Variants in UNC79 observed in about 807,000 individuals in gnomAD.
UNC79 encodes the protein unc-79 subunit of NALCN channel complex, also known as protein unc-79 homolog.
UNC79 carries 37 observed loss-of-function variants against 283.1 expected under a neutral mutation model. The observed-to-expected ratio is 0.13, with a 90% CI of 0.10 to 0.17. UNC79 has a LOEUF of 0.17. Ranked by LOEUF, UNC79 falls within the 10% of genes least tolerant of loss-of-function variation. UNC79 has a pLI of 1.00. For synonymous variants in UNC79, 1,107 were observed against 1,200.2 expected, an observed-to-expected ratio of 0.92 and a Z score of 1.61; for missense variants, 2,272 against 3,211.1, an observed-to-expected ratio of 0.71 and a Z score of 7.07.
intron 47 of UNC79, among the ~76,000 whole-genome samples, chr14:93,697,217 C>A (rs983236061): frequency 6.6e-6 from 1 of 152,114 alleles, no homozygotes; most frequent in African/African-American, 2.4e-5. Context: ...CTTACTGCAA[C>A]CTCCATCTCC....
At position 93,474,298 on chromosome 14, in the gene UNC79, A is replaced by G. The variant is rs2140324558; in HGVS notation, c.353A>G (p.Gln118Arg). The stretch of plus-strand genomic sequence containing the variant: ...CGCGGCCCGCAAAGTCGTGATGCTC[A>G]GTTGTCAGACTACCCTTCTTTGGAC... The change falls in exon 3 of 49, where the codon CAG becomes CGG. Residue 118 changes from glutamine to arginine, a missense_variant. Coordinates refer to ENST00000555664, the Ensembl canonical transcript of UNC79. This position sits in a 1 kb window ranked among gnomAD's most constrained non-coding sequence, Gnocchi z 4.1. 6.5e-7 allele frequency: 1 copy of G among 1,536,044 alleles called. No homozygotes were observed. Among genetic ancestry groups the G allele is most frequent in the East Asian group, 2.4e-5 (1 of 40,918 alleles).
At chr14:93,698,003 T>C (rs879521395) in intron 47 of UNC79, among the ~76,000 whole-genome samples, 14 of 152,248 alleles carry the variant, frequency 9.2e-5, no homozygotes, top group Admixed American at 9.2e-4. Flanking sequence ...ATTGATTATT[T>C]AGAACTATAT....
In UNC79 at chr14:93,696,109, C is replaced by T. The variant is rs75768564; in HGVS notation, c.7548+1697C>T. On this transcript the variant is annotated intron_variant, in intron 47 of 48. Transcript: ENST00000555664. ...TCTTTCACTTGTAATAATTATATTG[C>T]GATTAATCCATGTTATTGCATGTAG... Among the ~76,000 whole-genome samples, 876 of 152,004 alleles carry T rather than the reference C, an allele frequency of 5.8e-3. 15 individuals are homozygous for T. The highest frequency in any genetic ancestry group is 0.02 in the African/African-American group (830 of 41,458).
intron 1 of UNC79, among the ~76,000 whole-genome samples, chr14:93,368,481 CT>C (rs201603284): frequency 6.6e-6 from 1 of 151,200 alleles, no homozygotes; most frequent in Non-Finnish European, 1.5e-5. Flanking sequence ...ATGCCATTTT[CT>C]TTTTTTTTGA....
At chr14:93,613,604 T>C (rs773633559) in intron 27 of UNC79, among the ~76,000 whole-genome samples, 7 of 151,882 alleles carry the variant, frequency 4.6e-5, no homozygotes, top group African/African-American at 7.3e-5. Context: ...TTAGTAGAGA[T>C]GGGGTTTCAT....
intron 38 of UNC79, among the ~76,000 whole-genome samples, chr14:93,658,854 TCATCCATCCATCCATC>T (rs543094478): frequency 1.3e-5 from 2 of 151,946 alleles, no homozygotes; most frequent in Non-Finnish European, 2.9e-5. Context: ...GTCCATCTAT[TCATCCATCCATCCATC>T]CATCCATCCA....
chr14:93,479,172 T>TTTCCTTCCTTCCTTCCTTCC lies in UNC79; in HGVS notation c.619+1483_619+1502dup, dbSNP rs140666949. 4.2e-4 allele frequency among the ~76,000 whole-genome samples: 51 copies of TTTCCTTCCTTCCTTCCTTCC among 120,640 alleles called. 1 individual carries two copies. Among genetic ancestry groups the TTTCCTTCCTTCCTTCCTTCC allele is most frequent in the Admixed American group, 9.4e-4 (11 of 11,738 alleles). 79.1% of individuals were successfully genotyped at this position (120,640 alleles called of 152,430 possible). ...TTTTGAAGCATAACAGATGAGGCTGTTTCCTTCCTTCCTTCCTTCCTTCCT... is the reference window on the plus strand; with the variant it reads ...TTTTGAAGCATAACAGATGAGGCTGTTTCCTTCCTTCCTTCCTTCCTTCCTTCCTTCCTTCCTTCCTTCCT... On this transcript the variant is annotated intron_variant, in intron 4 of 48. Transcript: ENST00000555664.
chr14:93,441,752 G>T (rs1664355336), intron 1 of UNC79, among the ~76,000 whole-genome samples: 1 of 151,982 alleles, frequency 6.6e-6, no homozygotes, highest in Admixed American at 6.6e-5. Context: ...CATGCCTCCT[G>T]ATTTTTGATA....
chr14:93,553,597 G>A (rs2062006960), intron 14 of UNC79, among the ~76,000 whole-genome samples: 1 of 152,072 alleles, frequency 6.6e-6, no homozygotes, highest in African/African-American at 2.4e-5. Context: ...CAATCAACAG[G>A]GAAATCTGGT....
At chr14:93,598,818 C>T (rs1194458975) in intron 24 of UNC79, among the ~76,000 whole-genome samples, 1 of 152,152 alleles carries the variant, frequency 6.6e-6, no homozygotes, top group Non-Finnish European at 1.5e-5. Context: ...CACCACTGCG[C>T]CTGGCCTGAA....
intron 1 of UNC79, among the ~76,000 whole-genome samples, chr14:93,378,116 T>C (rs1207637316): frequency 6.6e-6 from 1 of 152,242 alleles, no homozygotes; most frequent in African/African-American, 2.4e-5. Flanking sequence ...TTTGATTCTT[T>C]GATGACTGTT....
At chr14:93,682,819 C>A in intron 42 of UNC79, 125 bp downstream of exon 45, 1 of 799,972 alleles carries the variant, frequency 1.3e-6, no homozygotes, top group Non-Finnish European at 2.0e-6. Flanking sequence ...ACTTTTGGAA[C>A]GTATTTTAAC....
intron 41 of UNC79, among the ~76,000 whole-genome samples, chr14:93,677,053 A>C (rs1459896256): frequency 6.6e-6 from 1 of 152,180 alleles, no homozygotes; most frequent in Non-Finnish European, 1.5e-5. Context: ...AAAAATGTTG[A>C]GCGTGGTTTG....
chr14:93,470,304 A>C (rs1336798522), intron 2 of UNC79, among the ~76,000 whole-genome samples: 1 of 152,184 alleles, frequency 6.6e-6, no homozygotes, highest in East Asian at 1.9e-4. Flanking sequence ...AGAGTTTCGT[A>C]CCTATTTCAA....
At chr14:93,653,367 T>C (rs2070531139) in intron 35 of UNC79, among the ~76,000 whole-genome samples, 1 of 151,928 alleles carries the variant, frequency 6.6e-6, no homozygotes, top group African/African-American at 2.4e-5. Context: ...AGAGCAACTC[T>C]GTCTTAGCCA....
At chr14:93,348,633 G>A (rs2475041) in intron 1 of UNC79, among the ~76,000 whole-genome samples, 1 of 152,176 alleles carries the variant, frequency 6.6e-6, no homozygotes, top group Non-Finnish European at 1.5e-5. Context: ...ATGACTACAC[G>A]TCAGAATGTG....
At chr14:93,587,217 T>C (rs2064285875) in intron 22 of UNC79, among the ~76,000 whole-genome samples, 1 of 152,294 alleles carries the variant, frequency 6.6e-6, no homozygotes, top group East Asian at 1.9e-4. Flanking sequence ...AAAAATACGT[T>C]AATATTTACC....
intron 26 of UNC79, among the ~76,000 whole-genome samples, chr14:93,610,460 T>C (rs537349752): frequency 6.6e-6 from 1 of 152,332 alleles, no homozygotes; most frequent in Admixed American, 6.5e-5. Context: ...TAACAGCCAT[T>C]ACTTGCTGCC....
chr14:93,518,908 TA>T (rs1182683017), intron 7 of UNC79, among the ~76,000 whole-genome samples: 2 of 151,986 alleles, frequency 1.3e-5, no homozygotes, highest in Non-Finnish European at 2.9e-5. Context: ...CTGTATGATG[TA>T]GCTCCATCTA....
Sources: gnomAD v4.1 joint callset for allele counts (sites outside exome capture counted in the v4.1 genomes callset) on GRCh38, gnomAD v4.1.1 for gene constraint, Gnocchi (gnomAD v3.1) non-coding constraint, MANE v1.5 for transcripts, NCBI Gene and HGNC (gene_info 2026-07-23, HGNC 2026-07-21) for gene names.